CUX2: variants seen among roughly 807,000 people sequenced by gnomAD.
CUX2 encodes cut like homeobox 2.
A neutral mutation model predicts 144.8 loss-of-function variants in CUX2; 40 were observed. That is an observed-to-expected ratio of 0.28 (90% CI 0.21 to 0.36). The LOEUF (loss-of-function observed/expected upper bound fraction) is 0.36. Ranked by LOEUF, CUX2 falls within the 10% of genes least tolerant of loss-of-function variation. The pLI, the probability that CUX2 is intolerant of heterozygous loss-of-function variation, is 1.00. For synonymous variants in CUX2, 827 were observed against 875.6 expected, an observed-to-expected ratio of 0.94 and a Z score of 0.98; for missense variants, 1,615 against 1,994.0, an observed-to-expected ratio of 0.81 and a Z score of 3.62.
intron 1 of CUX2, among the ~76,000 whole-genome samples, chr12:111,181,589 C>T (rs961337595): frequency 1.3e-5 from 2 of 152,350 alleles, no homozygotes; most frequent in Non-Finnish European, 2.9e-5. Flanking sequence ...ACACACCGGG[C>T]CCCAGCACTG....
chr12:111,343,140 G>A (rs1410087332), intron 21 of CUX2, among the ~76,000 whole-genome samples: 3 of 151,920 alleles, frequency 2.0e-5, no homozygotes, highest in East Asian at 1.9e-4. Flanking sequence ...GCCTCAGGGT[G>A]GATCCCTGAT....
Position 111,338,386 on chromosome 12 carries a change from G to A in CUX2, c.3297G>A (p.Gly1099=), listed in dbSNP as rs1200737011. Residue 1099 remains glycine, a synonymous_variant, in exon 20 of 22, where the codon GGG becomes GGA. Transcript: ENST00000261726. The part of the protein sequence containing the change: ...PKPWHKLSLK[G]REPFVRMQLW... ...CCTGGCACAAGCTGAGCCTGAAGGG[G>A]CGGGAGCCTTTTGTCCGCATGCAGC... 2 of 1,614,052 alleles carry A rather than the reference G, an allele frequency of 1.2e-6. No homozygotes were observed. Among genetic ancestry groups the A allele is most frequent in the African/African-American group, 2.7e-5 (2 of 74,946 alleles).
chr12:111,091,563 A>G (rs1872554016), intron 1 of CUX2, among the ~76,000 whole-genome samples: 1 of 152,150 alleles, frequency 6.6e-6, no homozygotes, highest in African/African-American at 2.4e-5. Context: ...AAGCCCAGAT[A>G]ATTGTCACCT....
In CUX2 at chr12:111,310,184, T is replaced by A. The variant is rs777913579; in HGVS notation, c.1402T>A (p.Leu468Met). The A allele has an allele frequency of 1.3e-6, 2 of 1,548,286 alleles. No individual in the cohort carries two copies. The highest frequency in any genetic ancestry group is 1.7e-6 in the Non-Finnish European group (2 of 1,148,220). The change falls in exon 15 of 22, where the codon TTG becomes ATG. Residue 468 changes from leucine to methionine, a missense_variant. This residue lies in a region of CUX2 where 154 missense variants were observed against 148.4 expected (regional missense o/e 1.04). Coordinates refer to ENST00000261726, the MANE Select transcript of CUX2 (RefSeq NM_015267.4). This position sits in a 1 kb window ranked among gnomAD's most constrained non-coding sequence, Gnocchi z 7.9. The part of the protein sequence containing the change: ...SPGQPLLGPS[L>M]GPDGTRTFSL... ...CGGGCAGCCCCTGCTGGGCCCCAGC[T>A]TGGGGCCTGACGGCACTCGGACTTT...
At chr12:111,113,002 A>G (rs1034343209) in intron 1 of CUX2, among the ~76,000 whole-genome samples, 1 of 152,202 alleles carries the variant, frequency 6.6e-6, no homozygotes, top group African/African-American at 2.4e-5. Context: ...GATTTGAGGC[A>G]TATTTTATTT....
At chr12:111,261,257 T>C (rs978232619) in intron 3 of CUX2, among the ~76,000 whole-genome samples, 24 of 152,200 alleles carry the variant, frequency 1.6e-4, no homozygotes, top group African/African-American at 3.6e-4. Flanking sequence ...ATGGGGCAGG[T>C]GGCAGCAGCC....
At chr12:111,069,777 C>T (rs912396239) in intron 1 of CUX2, among the ~76,000 whole-genome samples, 11 of 152,100 alleles carry the variant, frequency 7.2e-5, no homozygotes, top group African/African-American at 2.2e-4. Context: ...CTCATTTTTA[C>T]CTTAAATACA....
chr12:111,192,476 TC>T (rs1271049605), intron 1 of CUX2, among the ~76,000 whole-genome samples: 2 of 150,998 alleles, frequency 1.3e-5, no homozygotes, highest in Non-Finnish European at 3.0e-5. Context: ...CCCTTTCTTT[TC>T]CCCGAGAACT....
chr12:111,058,535 C>CAG (rs986590263), intron 1 of CUX2, among the ~76,000 whole-genome samples: 3 of 151,560 alleles, frequency 2.0e-5, no homozygotes, highest in African/African-American at 2.4e-5. Context: ...TGAAGAGACA[C>CAG]AGAGAGAGAG....
At chr12:111,109,018 G>A (rs1020098265) in intron 1 of CUX2, among the ~76,000 whole-genome samples, 2 of 152,144 alleles carry the variant, frequency 1.3e-5, no homozygotes, top group African/African-American at 4.8e-5. Flanking sequence ...TCCCTTTCAG[G>A]GCATGGAGAT....
intron 1 of CUX2, among the ~76,000 whole-genome samples, chr12:111,079,288 C>T (rs1255969742): frequency 6.6e-6 from 1 of 152,190 alleles, no homozygotes; most frequent in African/African-American, 2.4e-5. Context: ...ACTTTCTCCT[C>T]TGGTAGCCTC....
intron 9 of CUX2, among the ~76,000 whole-genome samples, chr12:111,302,447 A>G (rs1886337953): frequency 6.6e-6 from 1 of 152,216 alleles, no homozygotes; most frequent in Admixed American, 6.5e-5. Context: ...CATTTTATTA[A>G]TAGGGAAACC....
At chr12:111,298,040 G>A (rs1886096289) in intron 8 of CUX2, among the ~76,000 whole-genome samples, 1 of 152,156 alleles carries the variant, frequency 6.6e-6, no homozygotes, top group Non-Finnish European at 1.5e-5. Context: ...CATGCATGAA[G>A]CATGTGTGTG....
At chr12:111,338,235 G>T (rs1888439795) in intron 19 of CUX2, 51 bp from the exon 20 acceptor site, 1 of 1,535,656 alleles carries the variant, frequency 6.5e-7, no homozygotes, top group Non-Finnish European at 8.8e-7. Context: ...CTGGGAGTAG[G>T]CTTCTCTGCC....
At chr12:111,111,763 T>C (rs966243512) in intron 1 of CUX2, among the ~76,000 whole-genome samples, 2 of 152,202 alleles carry the variant, frequency 1.3e-5, no homozygotes, top group African/African-American at 4.8e-5. Context: ...AACAGTACAG[T>C]TGGCCAATTG....
At chr12:111,134,610 C>CTGTGTGTGTGTGTGTGTG (rs1483403424) in intron 1 of CUX2, among the ~76,000 whole-genome samples, 11 of 138,362 alleles carry the variant, frequency 8.0e-5, no homozygotes, top group African/African-American at 3.8e-4. Context: ...CTCTCTCTCT[C>CTGTGTGTGTGTGTGTGTG]TCTCTCTCTC....
chr12:111,097,477 A>C (rs1038318089), intron 1 of CUX2, among the ~76,000 whole-genome samples: 1 of 152,208 alleles, frequency 6.6e-6, no homozygotes, highest in African/African-American at 2.4e-5. Context: ...TATTAGCAAC[A>C]AATACGAGAG....
chr12:111,170,944 G>A (rs75300137), intron 1 of CUX2, among the ~76,000 whole-genome samples: 1 of 152,160 alleles, frequency 6.6e-6, no homozygotes, highest in South Asian at 2.1e-4. Flanking sequence ...GGGATGGACC[G>A]GGCCCATGTC....
In CUX2 at chr12:111,146,672, G is replaced by A. The variant is rs78539459; in HGVS notation, c.64-67528G>A. Among the ~76,000 whole-genome samples, 621 of 152,348 alleles carry A rather than the reference G, an allele frequency of 4.1e-3. 3 individuals are homozygous for A. Among genetic ancestry groups the A allele is most frequent in the African/African-American group, 0.014 (602 of 41,576 alleles). On this transcript the variant is annotated intron_variant, in intron 1 of 21. Transcript: ENST00000261726. ...GATCCAAGGACACTAACGTGCGGGTGTGAGAGGTTAAATTCCAGCGTGGTC... is the reference window on the plus strand; with the variant it reads ...GATCCAAGGACACTAACGTGCGGGTATGAGAGGTTAAATTCCAGCGTGGTC...
Sources: gnomAD v4.1 joint callset for allele counts (sites outside exome capture counted in the v4.1 genomes callset) on GRCh38, gnomAD v4.1.1 for gene constraint, gnomAD v4.1.1 regional missense constraint, Gnocchi (gnomAD v3.1) non-coding constraint, MANE v1.5 for transcripts, NCBI Gene and HGNC (gene_info 2026-07-23, HGNC 2026-07-21) for gene names.